CARS2: variants seen among roughly 807,000 people sequenced by gnomAD.
CARS2 encodes cysteinyl-tRNA synthetase 2, mitochondrial, also known as probable cysteine--tRNA ligase, mitochondrial.
A neutral mutation model predicts 68.8 loss-of-function variants in CARS2; 52 were observed. The observed-to-expected ratio is 0.76, with a 90% CI of 0.61 to 0.95. CARS2 has a LOEUF of 0.95. Ranked by LOEUF, CARS2 falls within the 40% of genes least tolerant of loss-of-function variation. The pLI is 0.00. For missense variants in CARS2, 780 were observed against 754.2 expected, an observed-to-expected ratio of 1.03 and a Z score of -0.40; for synonymous variants, 314 against 303.6, an observed-to-expected ratio of 1.03 and a Z score of -0.36.
At chr13:110,651,204 C>A in intron 9 of CARS2, 104 bp from the exon 10 acceptor site, 1 of 724,950 alleles carries the variant, frequency 1.4e-6, no homozygotes, top group East Asian at 3.1e-5. Flanking sequence ...CTCTACCTAT[C>A]AAGAAATCAG....
At chr13:110,700,373 C>T (rs576884165) in intron 3 of CARS2, among the ~76,000 whole-genome samples, 11 of 152,294 alleles carry the variant, frequency 7.2e-5, no homozygotes, top group African/African-American at 2.4e-4. Context: ...CATCAATGTC[C>T]GGTTCCTGAC....
chr13:110,713,303 C>G, exon 1 of CARS2: 2 of 1,220,278 alleles, frequency 1.6e-6, no homozygotes, highest in Non-Finnish European at 2.1e-6. Flanking sequence ...TGCTGTGTAC[C>G]ATGGTCTCGG....
chr13:110,660,528 G>T (rs2062474668), intron 9 of CARS2, among the ~76,000 whole-genome samples: 1 of 152,114 alleles, frequency 6.6e-6, no homozygotes, highest in East Asian at 1.9e-4. Context: ...TCAATGGGCT[G>T]CAGAATGTTC....
chr13:110,712,084 C>G (rs960211897), intron 1 of CARS2: 2 of 152,206 alleles, frequency 1.3e-5, no homozygotes, highest in African/African-American at 4.8e-5. Flanking sequence ...ACAGGATAAA[C>G]CCGGTGGATA....
intron 9 of CARS2, among the ~76,000 whole-genome samples, chr13:110,657,237 G>A (rs776036330): frequency 6.6e-6 from 1 of 152,164 alleles, no homozygotes; most frequent in Non-Finnish European, 1.5e-5. Flanking sequence ...CCCAAATAAG[G>A]AATCTATTTT....
chr13:110,703,870 A>C (rs973793576), intron 2 of CARS2, among the ~76,000 whole-genome samples: 1 of 152,212 alleles, frequency 6.6e-6, no homozygotes, highest in African/African-American at 2.4e-5. Context: ...CTCCAAATTC[A>C]TGGTTGAAAC....
At chr13:110,682,035 G>A (rs1236597425) in intron 6 of CARS2, among the ~76,000 whole-genome samples, 2 of 152,088 alleles carry the variant, frequency 1.3e-5, no homozygotes, top group African/African-American at 4.8e-5. Flanking sequence ...AGAGCACACA[G>A]TGCCGAGAGT....
At chr13:110,689,950 C>T (rs1314685277) in intron 3 of CARS2, among the ~76,000 whole-genome samples, 5 of 152,298 alleles carry the variant, frequency 3.3e-5, no homozygotes, top group African/African-American at 9.6e-5. Flanking sequence ...GTGGGGTGGC[C>T]GGGCGCGGTG....
At chr13:110,701,596 G>A in intron 2 of CARS2, 41 bp from the exon 3 acceptor site, 1 of 882,434 alleles carries the variant, frequency 1.1e-6, no homozygotes, top group Non-Finnish European at 1.9e-6. Context: ...ATTACACAAA[G>A]TCATCAGTTA....
Position 110,650,811 on chromosome 13 carries a change from C to T in CARS2, c.1054+223G>A, listed in dbSNP as rs544664954. The T allele has an allele frequency of 7.1e-4, 357 of 502,392 alleles. 4 individuals carry two copies. Among genetic ancestry groups the T allele is most frequent in the African/African-American group, 3.0e-4 (15 of 49,864 alleles). 31.1% of individuals were successfully genotyped at this position (502,392 alleles called of 1,614,324 possible). A position where few individuals can be genotyped will look rare whatever the true frequency, so the allele number is the denominator to read the frequency against. On this transcript the variant is annotated intron_variant, in intron 10 of 14. Transcript: ENST00000257347. ...CCAGAGAGAAGGAGTGGAGAGGACT[C>T]GAGCTTGACGAGGAAGCCCACATCC... is the stretch of plus-strand genomic sequence containing the variant.
At chr13:110,712,427 G>A (rs905876302) in intron 1 of CARS2, 4 of 182,144 alleles carry the variant, frequency 2.2e-5, no homozygotes, top group East Asian at 1.9e-4. Context: ...CGGCCGCAGC[G>A]GGGCGGAGGC....
chr13:110,710,925 CTG>C (rs1263110762), upstream of CARS2, among the ~76,000 whole-genome samples: 2 of 135,462 alleles, frequency 1.5e-5, no homozygotes, highest in African/African-American at 5.1e-5. Flanking sequence ...TCAGATTGTA[CTG>C]TGTTGTGATT....
chr13:110,645,905 C>G, intron 12 of CARS2, 62 bp downstream of exon 12: 1 of 1,571,478 alleles, frequency 6.4e-7, no homozygotes, highest in Non-Finnish European at 8.6e-7. Context: ...GAAAAACCCA[C>G]CAGAGGACCC....
At chr13:110,712,436 G>A (rs1313038360) in intron 1 of CARS2, 7 of 189,354 alleles carry the variant, frequency 3.7e-5, no homozygotes, top group South Asian at 1.5e-4. Context: ...CGGGGCGGAG[G>A]CCGAAGCCGA....
chr13:110,682,209 A>G (rs763551267), intron 6 of CARS2, among the ~76,000 whole-genome samples: 3 of 152,228 alleles, frequency 2.0e-5, no homozygotes, highest in Admixed American at 6.5e-5. Flanking sequence ...AAGCAAATCT[A>G]TTAAATAAAT....
intron 13 of CARS2, chr13:110,643,759 A>C: frequency 5.8e-6 from 1 of 172,314 alleles, no homozygotes; most frequent in South Asian, 1.2e-4. Context: ...AGAATAAGGC[A>C]GGAAACCTCA....
chr13:110,645,920 C>G (rs758399378), intron 12 of CARS2, 47 bp downstream of exon 12: 1 of 1,598,868 alleles, frequency 6.3e-7, no homozygotes, highest in Non-Finnish European at 8.5e-7. Flanking sequence ...GGACCCGACC[C>G]ATGCCCCTGG....
Position 110,701,475 on chromosome 13 carries a change from G to T in CARS2, c.356C>A (p.Thr119Lys). The T allele has an allele frequency of 6.4e-7, 1 of 1,573,754 alleles. No homozygotes were observed. The highest frequency in any genetic ancestry group is 8.7e-7 in the Non-Finnish European group (1 of 1,143,172). Residue 119 changes from threonine to lysine, a missense_variant, in exon 3 of 15, where the codon ACA (threonine) becomes AAA (lysine). Transcript: ENST00000257347. Reference sequence around the variant, plus strand: ...TTTGATGATTTTATCATCTACATCTGTAATACCCATCACCATGACTATGCT... The same window carrying T: ...TTTGATGATTTTATCATCTACATCTTTAATACCCATCACCATGACTATGCT... ...GCSIVMVMGI[T>K]DVDDKIIKRA...
intron 2 of CARS2, among the ~76,000 whole-genome samples, chr13:110,704,944 G>T (rs1276185029): frequency 6.6e-6 from 1 of 152,144 alleles, no homozygotes; most frequent in Non-Finnish European, 1.5e-5. Flanking sequence ...CAACCACTTC[G>T]CAGTCAGAGA....
Sources: gnomAD v4.1 joint callset for allele counts (sites outside exome capture counted in the v4.1 genomes callset) on GRCh38, gnomAD v4.1.1 for gene constraint, MANE v1.5 for transcripts, NCBI Gene and HGNC (gene_info 2026-07-23, HGNC 2026-07-21) for gene names.